Variants in ZZEF1 observed in about 807,000 individuals in gnomAD.
ZZEF1 encodes zinc finger ZZ-type and EF-hand domain-containing protein 1.
In ZZEF1, 157 loss-of-function variants were observed where a neutral mutation model predicts 342.8. That is an observed-to-expected ratio of 0.46 (90% CI 0.40 to 0.52). ZZEF1 has a LOEUF of 0.52. Ranked by LOEUF, ZZEF1 falls within the 20% of genes least tolerant of loss-of-function variation. The pLI, the probability that ZZEF1 is intolerant of heterozygous loss-of-function variation, is 0.00. For synonymous variants in ZZEF1, 1,505 were observed against 1,429.1 expected (o/e 1.05, Z -1.20); for missense variants, 3,480 against 3,725.6 (o/e 0.93, Z 1.72).
In ZZEF1 at chr17:4,017,409, T is replaced by C; in HGVS notation, c.7963A>G (p.Met2655Val). Reference protein sequence around the residue: ...GPAHMTYILDMFMQLEEKHEW... With the variant: ...GPAHMTYILDVFMQLEEKHEW... ...TGCTTTTCTTCCAGCTGCATGAACA[T>C]ATCCAAAATGTAGGTCATATGGGCA... is the stretch of plus-strand genomic sequence containing the variant. Residue 2655 changes from methionine to valine, a missense_variant, in exon 48 of 55, where the codon ATG becomes GTG. Coordinates refer to ENST00000381638, the MANE Select transcript of ZZEF1 (RefSeq NM_015113.4). The surrounding 1 kb of genome is among the most constrained non-coding windows in gnomAD (Gnocchi z 5.1). 6.2e-7 allele frequency: 1 copy of C among 1,607,446 alleles called. No homozygotes were observed. The highest frequency in any genetic ancestry group is 8.5e-7 in the Non-Finnish European group (1 of 1,174,578).
At chr17:4,032,016 T>TA (rs2056559884) in intron 42 of ZZEF1, 110 bp downstream of exon 42, 4 of 1,218,716 alleles carry the variant, frequency 3.3e-6, no homozygotes, top group African/African-American at 1.5e-5. Flanking sequence ...ACTTGTTCTT[T>TA]AAAAAAATCA....
chr17:4,139,417 G>T (rs914740966), intron 1 of ZZEF1, among the ~76,000 whole-genome samples: 1 of 152,154 alleles, frequency 6.6e-6, no homozygotes, highest in East Asian at 1.9e-4. Flanking sequence ...TTATAAAAAC[G>T]AATGACGGAA....
Position 4,117,083 on chromosome 17 carries a change from G to A in ZZEF1, c.583C>T (p.Leu195Phe). 5 of 1,614,180 alleles carry A rather than the reference G, an allele frequency of 3.1e-6. No homozygotes were observed. The highest frequency in any genetic ancestry group is 4.2e-6 in the Non-Finnish European group (5 of 1,180,024). The change falls in exon 3 of 55, where the codon CTC (leucine) becomes TTC (phenylalanine). Residue 195 changes from leucine to phenylalanine, a missense_variant. Leu to Phe is a conservative substitution (Grantham distance 22). Coordinates refer to ENST00000381638, the MANE Select transcript of ZZEF1 (RefSeq NM_015113.4). ...GGGTAGGGCATCACCGCGCTGGAGA[G>A]CCGATTGCGGTGCAGGAAGCGCAGT... ...MILRFLHRNR[L>F]SSAVMPYPML...
At chr17:4,012,038 G>A (rs890901280) in intron 52 of ZZEF1, among the ~76,000 whole-genome samples, 4 of 152,222 alleles carry the variant, frequency 2.6e-5, no homozygotes, top group African/African-American at 9.6e-5. Flanking sequence ...CGGGACAGAG[G>A]GTGCGGGATT....
chr17:4,046,162 A>C (rs781857), intron 37 of ZZEF1, among the ~76,000 whole-genome samples: 10,489 of 152,216 alleles, frequency 0.069, 1,194 homozygotes, highest in African/African-American at 0.24. Context: ...CATACCTTTG[A>C]TGCCCTTTTG....
chr17:4,102,505 C>T (rs1427364980), intron 8 of ZZEF1, 90 bp from the exon 9 acceptor site: 5 of 1,076,024 alleles, frequency 4.6e-6, no homozygotes, highest in Middle Eastern at 2.1e-4. Context: ...AGTCCTGTGG[C>T]TACCCAGACT....
intron 30 of ZZEF1, among the ~76,000 whole-genome samples, chr17:4,060,613 C>T (rs1032670723): frequency 2.0e-5 from 3 of 151,784 alleles, no homozygotes; most frequent in Admixed American, 1.3e-4. Flanking sequence ...CTCAACCCCC[C>T]ACCCCCACCA....
Position 4,064,783 on chromosome 17 carries a change from G to T in ZZEF1, c.4296C>A (p.Pro1432=), listed in dbSNP as rs1197510959. The change falls in exon 29 of 55, where the codon CCC becomes CCA. Residue 1432 remains proline, a synonymous_variant. Transcript: ENST00000381638. ...EKSLLLLKFL[P]TGISSKESCE... ...AGCTTTCTTTTGAACTTATGCCCGT[G>T]GGCAGAAATTTTAGTAATAGAAGAC... 6.2e-7 allele frequency: 1 copy of T among 1,609,902 alleles called. No homozygotes were observed. Among genetic ancestry groups the T allele is most frequent in the Non-Finnish European group, 8.5e-7 (1 of 1,178,286 alleles).
chr17:4,065,141 C>T (rs2057368049), intron 28 of ZZEF1, among the ~76,000 whole-genome samples: 4 of 152,130 alleles, frequency 2.6e-5, no homozygotes, highest in Admixed American at 6.5e-5. Context: ...TGGTGGCTCA[C>T]GCCTGTAATC....
In ZZEF1 at chr17:4,009,681, C is replaced by G. The variant is rs780486878; in HGVS notation, c.8656G>C (p.Val2886Leu). 4 of 1,613,984 alleles carry G rather than the reference C, an allele frequency of 2.5e-6. No homozygotes were observed. In the African/African-American group the frequency reaches 4.0e-5, roughly 16 times the overall value. Residue 2886 changes from valine (V) to leucine (L), a missense_variant, in exon 53 of 55, where the codon GTG becomes CTG. Coordinates refer to ENST00000381638, the MANE Select transcript of ZZEF1 (RefSeq NM_015113.4). ...GGAAGGAGGATGCCGGGCTGCGTCA[C>G]GTCCTCAAACAGGCCGTACTCCATG... is the stretch of plus-strand genomic sequence containing the variant. ...THMEYGLFED[V>L]TQPGILLPLH...
intron 1 of ZZEF1, among the ~76,000 whole-genome samples, chr17:4,142,224 CT>C (rs1460872489): frequency 3.4e-5 from 5 of 146,002 alleles, no homozygotes; most frequent in Admixed American, 1.4e-4. Flanking sequence ...CCTTACATCT[CT>C]TTTCTCTCCA....
At chr17:4,067,043 C>G (rs1328652187) in intron 27 of ZZEF1, 120 bp downstream of exon 27, 2 of 804,444 alleles carry the variant, frequency 2.5e-6, no homozygotes, top group East Asian at 5.7e-5. Flanking sequence ...TGTCACTAAA[C>G]TTTAGCTTAA....
intron 29 of ZZEF1, among the ~76,000 whole-genome samples, chr17:4,063,900 G>C (rs2057335721): frequency 6.6e-6 from 1 of 151,816 alleles, no homozygotes; most frequent in Non-Finnish European, 1.5e-5. Flanking sequence ...GCTAATTTTT[G>C]TATTTTTAGT....
chr17:4,022,418 A>T, intron 44 of ZZEF1: 2 of 267,570 alleles, frequency 7.5e-6, no homozygotes, highest in Admixed American at 9.7e-5. Context: ...GGGAAATATG[A>T]ATTCAAGGGT....
At chr17:4,061,431 C>T (rs2057284920) in intron 30 of ZZEF1, among the ~76,000 whole-genome samples, 2 of 152,076 alleles carry the variant, frequency 1.3e-5, no homozygotes, top group Admixed American at 6.6e-5. Context: ...ATCTCTGCAC[C>T]CTTTCTAGGA....
At chr17:4,125,777 A>C (rs968359868) in intron 1 of ZZEF1, among the ~76,000 whole-genome samples, 7 of 152,200 alleles carry the variant, frequency 4.6e-5, no homozygotes, top group Admixed American at 1.3e-4. Context: ...TGTTGGGGGA[A>C]TCTTAAGTGC....
intron 8 of ZZEF1, among the ~76,000 whole-genome samples, chr17:4,103,337 G>A (rs951528286): frequency 2.6e-5 from 4 of 151,806 alleles, no homozygotes; most frequent in African/African-American, 7.3e-5. Context: ...GAGTCCAGGA[G>A]TTTGAGACCA....
At chr17:4,057,849 C>A in intron 32 of ZZEF1, 145 bp downstream of exon 32, 4 of 738,546 alleles carry the variant, frequency 5.4e-6, no homozygotes, top group Non-Finnish European at 8.6e-6. Flanking sequence ...AAGACTTGCG[C>A]AAGGCCACTC....
chr17:4,121,950 C>T (rs2058490257), intron 2 of ZZEF1, among the ~76,000 whole-genome samples: 1 of 152,070 alleles, frequency 6.6e-6, no homozygotes, highest in Non-Finnish European at 1.5e-5. Context: ...CTCGTGGCCT[C>T]AAGCAATCCT....
Sources: allele counts gnomAD v4.1 joint callset (sites outside exome capture counted in the v4.1 genomes callset), GRCh38; gene constraint gnomAD v4.1.1; non-coding constraint Gnocchi (gnomAD v3.1); transcripts MANE v1.5; gene names NCBI Gene and HGNC (gene_info 2026-07-23, HGNC 2026-07-21).